The following GRIP1 variants were observed in gnomAD, a reference collection of about 807,000 sequenced individuals.
GRIP1 encodes the protein glutamate receptor-interacting protein 1.
In GRIP1, 45 loss-of-function variants were observed where a neutral mutation model predicts 129.9. The ratio of observed to expected loss-of-function variants is 0.35; its 90% CI spans 0.27 to 0.44. The LOEUF is 0.44. Among genes scored for constraint, GRIP1 ranks in the 20% least tolerant of loss-of-function variants. GRIP1 has a pLI of 1.00. For synonymous variants in GRIP1, 530 were observed against 520.8 expected (o/e 1.02, Z -0.24); for missense variants, 1,196 against 1,396.8 (o/e 0.86, Z 2.29).
chr12:66,793,324 T>C (rs1299314690), intron 1 of GRIP1, among the ~76,000 whole-genome samples: 1 of 152,176 alleles, frequency 6.6e-6, no homozygotes, highest in Non-Finnish European at 1.5e-5. Flanking sequence ...TGAGGGATTA[T>C]ACACAAAGCT....
chr12:66,663,684 C>T (rs2033639827), intron 1 of GRIP1, among the ~76,000 whole-genome samples: 1 of 152,100 alleles, frequency 6.6e-6, no homozygotes, highest in Non-Finnish European at 1.5e-5. Context: ...TTGTTAGGCT[C>T]CTAAATTTTT....
chr12:66,913,079 C>A (rs976827966), intron 1 of GRIP1, among the ~76,000 whole-genome samples: 19 of 152,182 alleles, frequency 1.2e-4, no homozygotes, highest in Non-Finnish European at 1.5e-5. Context: ...AACAAGTCGG[C>A]CGCCACAGCA....
rs1592662245 is a variant in GRIP1, at chr12:66,349,245, A to C, written c.3161T>G (p.Val1054Gly). The change falls in exon 25 of 25, where the codon GTG (valine) becomes GGG (glycine). Residue 1054 changes from valine to glycine, a missense_variant and splice_region_variant. Physicochemically the swap from Val to Gly is moderately radical, Grantham distance 109. Around this residue, in one of 5 missense-constraint regions of GRIP1, gnomAD observed 427 missense variants for 463.3 expected, o/e 0.92. Transcript: ENST00000359742. Reference sequence around the variant, plus strand: ...AAAGTCTCTGGTTCGGACATGATTCACCTGAAAGGTCAAGAACAGCCATTT... The same window carrying C: ...AAAGTCTCTGGTTCGGACATGATTCCCCTGAAAGGTCAAGAACAGCCATTT... ...GLKPYDRLLQ[V>G]NHVRTRDFDC... is the part of the protein sequence containing the mutation. 6.2e-7 allele frequency: 1 copy of C among 1,610,258 alleles called. No homozygotes were observed. Among genetic ancestry groups the C allele is most frequent in the Non-Finnish European group, 8.5e-7 (1 of 1,176,436 alleles).
chr12:66,467,297 G>T (rs1335281115), intron 7 of GRIP1, among the ~76,000 whole-genome samples: 1 of 152,176 alleles, frequency 6.6e-6, no homozygotes, highest in Non-Finnish European at 1.5e-5. Context: ...TATGGTGGAT[G>T]CTACTCTCTG....
At chr12:66,815,356 C>T (rs1379159962) in intron 1 of GRIP1, among the ~76,000 whole-genome samples, 3 of 152,072 alleles carry the variant, frequency 2.0e-5, no homozygotes, top group Non-Finnish European at 4.4e-5. Flanking sequence ...GAAAACTCTG[C>T]CTGATGATCA....
At chr12:67,035,321 A>G (rs1206719976) in intron 1 of GRIP1, among the ~76,000 whole-genome samples, 1 of 152,144 alleles carries the variant, frequency 6.6e-6, no homozygotes, top group Non-Finnish European at 1.5e-5. Flanking sequence ...CCCCCTCAGC[A>G]GGGTGTGCAT....
At chr12:67,034,794 C>G (rs1413857888) in intron 1 of GRIP1, among the ~76,000 whole-genome samples, 1 of 152,222 alleles carries the variant, frequency 6.6e-6, no homozygotes, top group Non-Finnish European at 1.5e-5. Flanking sequence ...AATTTTTCAG[C>G]TCCATTATGA....
chr12:66,947,145 A>G (rs958200915), intron 1 of GRIP1, among the ~76,000 whole-genome samples: 1 of 152,124 alleles, frequency 6.6e-6, no homozygotes. Flanking sequence ...GGAGGCAGAC[A>G]GGAAGCTCAT....
intron 1 of GRIP1, among the ~76,000 whole-genome samples, chr12:67,068,105 G>C (rs543460911): frequency 6.6e-6 from 1 of 152,264 alleles, no homozygotes; most frequent in Non-Finnish European, 1.5e-5. Context: ...GCCTGTATAG[G>C]AAATTCTGGT....
At chr12:67,054,427 AAAATATAT>A (rs2043398500) in intron 1 of GRIP1, among the ~76,000 whole-genome samples, 1 of 152,198 alleles carries the variant, frequency 6.6e-6, no homozygotes, top group African/African-American at 2.4e-5. Flanking sequence ...ATAAATGAGT[AAAATATAT>A]AGTTTGTCAT....
intron 1 of GRIP1, among the ~76,000 whole-genome samples, chr12:66,758,782 T>C (rs1427221255): frequency 6.6e-6 from 1 of 152,126 alleles, no homozygotes; most frequent in Middle Eastern, 3.2e-3. Flanking sequence ...AGTCAAATTT[T>C]AAAGGTACAA....
intron 1 of GRIP1, among the ~76,000 whole-genome samples, chr12:66,962,238 G>A (rs558273682): frequency 1.3e-5 from 2 of 152,260 alleles, no homozygotes; most frequent in Non-Finnish European, 2.9e-5. Context: ...AAATCTTCAG[G>A]AGACGGAAGT....
chr12:67,004,187 G>A (rs2042594062), intron 1 of GRIP1, among the ~76,000 whole-genome samples: 1 of 152,158 alleles, frequency 6.6e-6, no homozygotes, highest in Non-Finnish European at 1.5e-5. Context: ...CATGAATTAG[G>A]ACTTGATCTC....
intron 13 of GRIP1, 42 bp from the exon 14 acceptor site, chr12:66,432,670 G>T: frequency 9.4e-7 from 1 of 1,063,420 alleles, no homozygotes; most frequent in Non-Finnish European, 1.5e-6. Context: ...AGAACACTGA[G>T]GACTGGAGCA....
intron 1 of GRIP1, among the ~76,000 whole-genome samples, chr12:66,741,035 C>T (rs1464153950): frequency 2.6e-5 from 4 of 152,254 alleles, no homozygotes; most frequent in South Asian, 2.1e-4. Context: ...CTCCTTGAAA[C>T]GGGCTTGGTT....
chr12:66,995,745 T>TG (rs1284042595), intron 1 of GRIP1, among the ~76,000 whole-genome samples: 1 of 152,198 alleles, frequency 6.6e-6, no homozygotes, highest in Non-Finnish European at 1.5e-5. Context: ...GTGGTACAAC[T>TG]GCTTTGGAAA....
intron 2 of GRIP1, among the ~76,000 whole-genome samples, chr12:66,579,127 G>A (rs1305505499): frequency 3.3e-5 from 5 of 152,158 alleles, no homozygotes; most frequent in African/African-American, 7.2e-5. Context: ...TGCAGACACC[G>A]CTGCTGATAC....
rs192713222 is a variant in GRIP1 at position 66,745,511 on chromosome 12, G to A, written c.-420+58542C>T. Among the ~76,000 whole-genome samples, 12 of 152,242 alleles carry A rather than the reference G, an allele frequency of 7.9e-5. No individual in the cohort carries two copies. The East Asian group carries it at 1.7e-3, about 22-fold the overall frequency. On this transcript the variant is annotated intron_variant, in intron 1 of 4. Transcript: ENST00000538373. ...TAAGCAAGACAATGTTTTTGTTCTT[G>A]AGCAGCTTACCTTCCAGTGGATAAA...
At chr12:66,744,884 T>C (rs907626670) in intron 1 of GRIP1, among the ~76,000 whole-genome samples, 2 of 152,330 alleles carry the variant, frequency 1.3e-5, no homozygotes, top group African/African-American at 4.8e-5. Context: ...ATTTACTAAA[T>C]GTGTAGTATT....
Sources: allele counts gnomAD v4.1 joint callset (sites outside exome capture counted in the v4.1 genomes callset), GRCh38; gene constraint gnomAD v4.1.1; regional missense constraint gnomAD v4.1.1; transcripts MANE v1.5; gene names NCBI Gene and HGNC (gene_info 2026-07-23, HGNC 2026-07-21).